EXOC4: variants seen among roughly 807,000 people sequenced by gnomAD.
EXOC4 encodes the protein SEC8-like 1.
EXOC4 carries 71 observed loss-of-function variants against 107.2 expected under a neutral mutation model. That is an observed-to-expected ratio of 0.66 (90% confidence interval 0.55 to 0.81). The LOEUF is 0.81. Ranked by LOEUF, EXOC4 falls within the 30% of genes least tolerant of loss-of-function variation. EXOC4 has a pLI of 0.00. For synonymous variants in EXOC4, 456 were observed against 441.2 expected (o/e 1.03, Z -0.42); for missense variants, 1,108 against 1,189.6 (o/e 0.93, Z 1.01).
At chr7:134,070,691 T>A (rs953431875), downstream of EXOC4, among the ~76,000 whole-genome samples, 15 of 151,710 alleles carry the variant, frequency 9.9e-5, no homozygotes, top group African/African-American at 3.6e-4. Context: ...GGAGCAAGAG[T>A]CCCTGGGAAC....
At chr7:133,718,521 C>T (rs969645659) in intron 10 of EXOC4, among the ~76,000 whole-genome samples, 2 of 152,146 alleles carry the variant, frequency 1.3e-5, no homozygotes, top group Non-Finnish European at 2.9e-5. Context: ...AACACTGGGT[C>T]AGCTCTGGGG....
At chr7:133,445,263 T>G (rs1046532705) in intron 7 of EXOC4, among the ~76,000 whole-genome samples, 6 of 152,364 alleles carry the variant, frequency 3.9e-5, no homozygotes, top group East Asian at 1.9e-4. Context: ...GAAATCTTTC[T>G]TAGTAAATAT....
intron 7 of EXOC4, among the ~76,000 whole-genome samples, chr7:133,394,297 T>C (rs1451813223): frequency 5.3e-5 from 8 of 152,266 alleles, no homozygotes; most frequent in Admixed American, 3.3e-4. Context: ...TTTTTGATTT[T>C]TCATTTTAAT....
At chr7:133,317,165 C>A (rs1446248446) in intron 4 of EXOC4, 119 bp from the exon 5 acceptor site, 2 of 683,042 alleles carry the variant, frequency 2.9e-6, no homozygotes, top group East Asian at 5.1e-5. Context: ...CTGGGGAGAT[C>A]CAGTTCCAGT....
chr7:133,957,679 A>C (rs1800846943), intron 14 of EXOC4, among the ~76,000 whole-genome samples: 1 of 152,232 alleles, frequency 6.6e-6, no homozygotes, highest in Admixed American at 6.5e-5. Flanking sequence ...AAACAACAAA[A>C]GGCTTCATTA....
At chr7:133,943,306 C>T (rs1232344833) in intron 14 of EXOC4, among the ~76,000 whole-genome samples, 1 of 152,180 alleles carries the variant, frequency 6.6e-6, no homozygotes, top group Non-Finnish European at 1.5e-5. Flanking sequence ...AGCCTCAGAT[C>T]ACATGTACCC....
intron 14 of EXOC4, among the ~76,000 whole-genome samples, chr7:133,984,991 C>T (rs1252441093): frequency 2.6e-5 from 4 of 152,062 alleles, no homozygotes; most frequent in Admixed American, 2.6e-4. Context: ...GGTTTTTACT[C>T]TTTTTTGGGA....
intron 10 of EXOC4, among the ~76,000 whole-genome samples, chr7:133,793,853 A>C (rs375335338): frequency 0.22 from 1,388 of 6,376 alleles, 25 homozygotes; most frequent in East Asian, 0.5. Context: ...ACACACAAAA[A>C]ATAAATAAAA....
chr7:134,069,398 C>G (rs1476632725), downstream of EXOC4, among the ~76,000 whole-genome samples: 1 of 144,510 alleles, frequency 6.9e-6, no homozygotes, highest in African/African-American at 2.6e-5. Flanking sequence ...CCTCTTCTCC[C>G]CCTACTTCTC....
At chr7:133,496,260 A>G (rs985651578) in intron 9 of EXOC4, among the ~76,000 whole-genome samples, 5 of 152,130 alleles carry the variant, frequency 3.3e-5, no homozygotes, top group South Asian at 4.1e-4. Context: ...ACATCAGGTG[A>G]TCTTCCTGCC....
the EXOC4 span, among the ~76,000 whole-genome samples, chr7:134,080,777 A>T: frequency 6.7e-6 from 1 of 150,348 alleles, no homozygotes; most frequent in Non-Finnish European, 1.5e-5. Context: ...CTATCTTAAA[A>T]ATATATATAT....
intron 10 of EXOC4, among the ~76,000 whole-genome samples, chr7:133,754,244 G>A (rs10258048): frequency 0.52 from 78,421 of 152,054 alleles, 21,209 homozygotes; most frequent in East Asian, 0.66. Flanking sequence ...GGCAGCTGGC[G>A]ATGGCAGTGC....
chr7:133,702,354 A>C (rs918743257), intron 10 of EXOC4, among the ~76,000 whole-genome samples: 2 of 49,142 alleles, frequency 4.1e-5, no homozygotes, highest in East Asian at 6.2e-4. Context: ...TTCCCTTCCC[A>C]TCTTGACAAG....
chr7:133,869,071 C>T (rs1197535706), intron 11 of EXOC4, among the ~76,000 whole-genome samples: 2 of 151,346 alleles, frequency 1.3e-5, no homozygotes, highest in African/African-American at 4.9e-5. Context: ...TCTAGTTACC[C>T]TCCCTGAAGG....
chr7:133,620,856 C>T (rs1802312842), intron 9 of EXOC4, among the ~76,000 whole-genome samples: 1 of 152,148 alleles, frequency 6.6e-6, no homozygotes, highest in African/African-American at 2.4e-5. Flanking sequence ...CTGCAGTCTT[C>T]CAAAGTAACC....
rs6956078 is a variant in EXOC4 at position 133,921,949 on chromosome 7, A to G, written c.2027+4211A>G. 2.4e-3 allele frequency among the ~76,000 whole-genome samples: 368 copies of G among 151,896 alleles called. 5 individuals are homozygous for G. The highest frequency in any genetic ancestry group is 8.2e-3 in the African/African-American group (341 of 41,440). On this transcript the variant is annotated intron_variant, in intron 13 of 17. Transcript: ENST00000253861. ...TTCTGGTTCAGTTTTGAAAGTTTCT[A>G]TTGACATTTCTTCAGTGTCTCCAGT... is the stretch of plus-strand genomic sequence containing the variant.
chr7:133,713,572 G>A (rs762732915), intron 10 of EXOC4, among the ~76,000 whole-genome samples: 1 of 152,188 alleles, frequency 6.6e-6, no homozygotes, highest in Non-Finnish European at 1.5e-5. Context: ...GATATGGTTA[G>A]GCTTTGTGTC....
intron 16 of EXOC4, among the ~76,000 whole-genome samples, chr7:134,005,702 G>C (rs1315628500): frequency 6.6e-6 from 1 of 152,144 alleles, no homozygotes; most frequent in African/African-American, 2.4e-5. Context: ...GAGGATCCCT[G>C]TTAGGACTCC....
chr7:133,490,659 G>C (rs1235977073), intron 9 of EXOC4, among the ~76,000 whole-genome samples: 2 of 152,126 alleles, frequency 1.3e-5, no homozygotes, highest in African/African-American at 2.4e-5. Context: ...ACTTTCAGGA[G>C]TCAGATGAAA....
Sources: gnomAD v4.1 joint callset for allele counts (sites outside exome capture counted in the v4.1 genomes callset) on GRCh38, gnomAD v4.1.1 for gene constraint, MANE v1.5 for transcripts, NCBI Gene and HGNC (gene_info 2026-07-23, HGNC 2026-07-21) for gene names.